Variants in ATP1A1 observed in about 807,000 individuals in gnomAD.
ATP1A1 encodes ATPase Na+/K+ transporting subunit alpha 1.
Under a neutral mutation model 114.8 loss-of-function variants are expected in ATP1A1, and 14 were observed. That is an observed-to-expected ratio of 0.12 (90% CI 0.08 to 0.19). The LOEUF (loss-of-function observed/expected upper bound fraction) is 0.19. ATP1A1 is among the 10% of genes least tolerant of loss of function. The probability of loss-of-function intolerance (pLI) is 1.00; values close to 1 mark genes in which losing one functional copy is unlikely to be tolerated. For synonymous variants in ATP1A1, 471 were observed against 466.3 expected (o/e 1.01, Z -0.13); for missense variants, 524 against 1,290.7 (o/e 0.41, Z 9.10).
chr1:116,382,126 T>C (rs1651785464), intron 1 of ATP1A1, among the ~76,000 whole-genome samples: 1 of 152,170 alleles, frequency 6.6e-6, no homozygotes. Context: ...TGAGCTTAGA[T>C]TGCGCCACTG....
At chr1:116,380,468 C>T (rs1557779762) in intron 1 of ATP1A1, among the ~76,000 whole-genome samples, 1 of 152,136 alleles carries the variant, frequency 6.6e-6, no homozygotes, top group South Asian at 2.1e-4. Flanking sequence ...AGGCCTTTGG[C>T]GGTGGCTATA....
In ATP1A1 at chr1:116,387,634, C is replaced by A; in HGVS notation, c.387+143C>A. 2 of 936,152 alleles carry A rather than the reference C, an allele frequency of 2.1e-6. No individual in the cohort carries two copies. The highest frequency in any genetic ancestry group is 3.1e-6 in the Non-Finnish European group (2 of 636,898). The allele number at this position is 936,152 out of a possible 1,614,324, so 58.0% of individuals were successfully genotyped here. On this transcript the variant is annotated intron_variant, in intron 4 of 22. Transcript: ENST00000295598. This position sits in a 1 kb window ranked among gnomAD's most constrained non-coding sequence, Gnocchi z 6.7. ...AATGGTTATGAACAGCTGTTGCCTT[C>A]AAGGCTCATCCATTCTTCCTTCGTT...
rs1375721170 is a variant in ATP1A1 at position 116,387,198 on chromosome 1, T to A, written c.184-90T>A. The A allele has an allele frequency of 6.9e-7, 1 of 1,449,342 alleles. No individual in the cohort carries two copies. The highest frequency in any genetic ancestry group is 9.5e-7 in the Non-Finnish European group (1 of 1,053,640). The allele number at this position is 1,449,342 out of a possible 1,614,324, so 89.8% of individuals were successfully genotyped here. A position where few individuals can be genotyped will look rare whatever the true frequency, so the allele number is the denominator to read the frequency against. On this transcript the variant is annotated intron_variant, in intron 3 of 22. Transcript: ENST00000295598. The surrounding 1 kb of genome is among the most constrained non-coding windows in gnomAD (Gnocchi z 6.7). The stretch of plus-strand genomic sequence containing the variant: ...TGGGACATTTTGTTTCTTCCTTAAA[T>A]CCTTATTGCAACCGTCCAGCTACCA...
Position 116,398,597 on chromosome 1 carries a change from C to A in ATP1A1, c.2125-24C>A. On this transcript the variant is annotated intron_variant, in intron 15 of 22. Coordinates refer to ENST00000295598, the MANE Select transcript of ATP1A1 (RefSeq NM_000701.8). This position sits in a 1 kb window ranked among gnomAD's most constrained non-coding sequence, Gnocchi z 6.1. ...CGCTAGGAAAAGTGATTGGTATTAA[C>A]CCGTTTTCCCTTTTCTGGGGTAGGG... is the stretch of plus-strand genomic sequence containing the variant. 1 of 1,609,814 alleles carries A rather than the reference C, an allele frequency of 6.2e-7. No homozygotes were observed. The highest frequency in any genetic ancestry group is 8.5e-7 in the Non-Finnish European group (1 of 1,177,476).
In ATP1A1 at chr1:116,398,985, C is replaced by T. The variant is rs985958983; in HGVS notation, c.2349C>T (p.Asn783=). The change falls in exon 17 of 23, where the codon AAC becomes AAT. Residue 783 remains asparagine, a synonymous_variant. Coordinates refer to ENST00000295598, the MANE Select transcript of ATP1A1 (RefSeq NM_000701.8). The surrounding 1 kb of genome is among the most constrained non-coding windows in gnomAD (Gnocchi z 6.1). The stretch of plus-strand genomic sequence containing the variant: ...CCATTGCTTATACCTTAACCAGTAA[C>T]ATTCCCGAGATCACCCCGTTCCTGA... ...KKSIAYTLTS[N]IPEITPFLIF... The T allele has an allele frequency of 2.5e-6, 4 of 1,614,048 alleles. No individual in the cohort carries two copies. Among genetic ancestry groups the T allele is most frequent in the African/African-American group, 1.3e-5 (1 of 74,884 alleles).
intron 1 of ATP1A1, among the ~76,000 whole-genome samples, chr1:116,379,060 T>C (rs1398129213): frequency 1.3e-5 from 2 of 152,236 alleles, no homozygotes; most frequent in Non-Finnish European, 2.9e-5. Flanking sequence ...TTAGAATTTT[T>C]ATTTTTTGAA....
In ATP1A1 at chr1:116,399,391, C is replaced by G. The variant is rs1237756036; in HGVS notation, c.2449-29C>G. 6.2e-7 allele frequency: 1 copy of G among 1,604,556 alleles called. No homozygotes were observed. Among genetic ancestry groups the G allele is most frequent in the Admixed American group, 1.7e-5 (1 of 57,432 alleles). On this transcript the variant is annotated intron_variant, in intron 17 of 22. Transcript: ENST00000295598. This position sits in a 1 kb window ranked among gnomAD's most constrained non-coding sequence, Gnocchi z 5.0. ...ATATTAGCTTCCTTATTTTTAGTAA[C>G]TAAATTCCTTCTCCCCACCCCTTCC...
intron 13 of ATP1A1, 125 bp from the exon 14 acceptor site, chr1:116,396,473 G>T: frequency 1.6e-6 from 2 of 1,215,592 alleles, no homozygotes; most frequent in Non-Finnish European, 1.1e-6. Context: ...TTTTATATTT[G>T]CATTCCTTTC....
At position 116,397,267 on chromosome 1, in the gene ATP1A1, C is replaced by G. The variant is rs546774454; in HGVS notation, c.1973+533C>G. Among the ~76,000 whole-genome samples, 33 of 152,280 alleles carry G rather than the reference C, an allele frequency of 2.2e-4. No individual in the cohort carries two copies. Among genetic ancestry groups the G allele is most frequent in the African/African-American group, 6.3e-4 (26 of 41,554 alleles). ...TTTAGGGCCCTTTCACCCTATGTTA[C>G]GGTTAGAGGAGGGTTTGGTCTTGTA... On this transcript the variant is annotated intron_variant, in intron 14 of 22. Coordinates refer to ENST00000295598, the MANE Select transcript of ATP1A1 (RefSeq NM_000701.8). The surrounding 1 kb of genome is among the most constrained non-coding windows in gnomAD (Gnocchi z 4.2).
At chr1:116,400,579 A>G (rs1369439864) in intron 18 of ATP1A1, among the ~76,000 whole-genome samples, 1 of 152,224 alleles carries the variant, frequency 6.6e-6, no homozygotes, top group East Asian at 1.9e-4. Context: ...TGGTCAAGTA[A>G]CAGGTGGGCA....
intron 1 of ATP1A1, among the ~76,000 whole-genome samples, chr1:116,378,909 A>G (rs1359714128): frequency 6.6e-6 from 1 of 152,242 alleles, no homozygotes; most frequent in East Asian, 1.9e-4. Flanking sequence ...AGGAATAAGT[A>G]GAAAGTTTTA....
In ATP1A1 at chr1:116,401,390, T is replaced by G; in HGVS notation, c.2849+130T>G. ...TGGAATCTCTAGTTTATAGAGCAAATTTAGGAAGCAAGAAATGTAGCTTTC... is the reference window on the plus strand; with the variant it reads ...TGGAATCTCTAGTTTATAGAGCAAAGTTAGGAAGCAAGAAATGTAGCTTTC... On this transcript the variant is annotated intron_variant, in intron 20 of 22. Coordinates refer to ENST00000295598, the MANE Select transcript of ATP1A1 (RefSeq NM_000701.8). This position sits in a 1 kb window ranked among gnomAD's most constrained non-coding sequence, Gnocchi z 4.7. The G allele has an allele frequency of 1.3e-6, 2 of 1,506,752 alleles. No individual in the cohort carries two copies. The highest frequency in any genetic ancestry group is 2.5e-5 in the South Asian group (2 of 78,666). 93.3% of individuals were successfully genotyped at this position (1,506,752 alleles called of 1,614,324 possible).
Position 116,389,036 on chromosome 1 carries a change from C to A in ATP1A1, c.754+17C>A. On this transcript the variant is annotated intron_variant, in intron 7 of 22. Transcript: ENST00000295598. This position sits in a 1 kb window ranked among gnomAD's most constrained non-coding sequence, Gnocchi z 6.9. The stretch of plus-strand genomic sequence containing the variant: ...GTGTTGAAGGTAGGCCATTTTTGGG[C>A]ACTTTGAGCATGGCGTGGTATTTCT... 6.3e-7 allele frequency: 1 copy of A among 1,595,374 alleles called. No individual in the cohort carries two copies. The highest frequency in any genetic ancestry group is 8.6e-7 in the Non-Finnish European group (1 of 1,163,426).
chr1:116,375,701 G>T (rs957613224), intron 1 of ATP1A1, among the ~76,000 whole-genome samples: 2 of 152,166 alleles, frequency 1.3e-5, no homozygotes, highest in Non-Finnish European at 2.9e-5. Context: ...TATTGTGAGC[G>T]TCCAAATGTT....
chr1:116,383,131 C>A (rs991163911), intron 1 of ATP1A1, among the ~76,000 whole-genome samples: 1 of 152,138 alleles, frequency 6.6e-6, no homozygotes, highest in East Asian at 1.9e-4. Flanking sequence ...TTTCAAGAGG[C>A]GTAGGTGGAT....
chr1:116,388,435 A>G lies in ATP1A1; in HGVS notation c.501+191A>G. The G allele has an allele frequency of 1.0e-6, 1 of 980,908 alleles. No individual in the cohort carries two copies. The highest frequency in any genetic ancestry group is 1.5e-6 in the Non-Finnish European group (1 of 677,024). The allele number at this position is 980,908 out of a possible 1,614,324, so 60.8% of individuals were successfully genotyped here. ...GTGGTAGCCTTTCTTTTGAATGTAA[A>G]CTCTGAATACAGGCACACCATGTAA... is the stretch of plus-strand genomic sequence containing the variant. On this transcript the variant is annotated intron_variant, in intron 5 of 22. Transcript: ENST00000295598. The surrounding 1 kb of genome is among the most constrained non-coding windows in gnomAD (Gnocchi z 5.6).
At chr1:116,376,897 C>T (rs10924073) in intron 1 of ATP1A1, among the ~76,000 whole-genome samples, 29,381 of 152,190 alleles carry the variant, frequency 0.19, 7,807 homozygotes, top group African/African-American at 0.6. Context: ...AAATTGCATT[C>T]AAAAATAAAA....
At chr1:116,376,847 T>A (rs2101029776) in intron 1 of ATP1A1, among the ~76,000 whole-genome samples, 1 of 152,318 alleles carries the variant, frequency 6.6e-6, no homozygotes. Flanking sequence ...AGATGAGGGC[T>A]AACACTTAAA....
intron 1 of ATP1A1, among the ~76,000 whole-genome samples, chr1:116,374,506 AG>A (rs1300033598): frequency 1.3e-5 from 2 of 152,080 alleles, no homozygotes; most frequent in East Asian, 3.9e-4. Flanking sequence ...GAAGGAAACG[AG>A]GGGTCTTGGG....
Sources: allele counts gnomAD v4.1 joint callset (sites outside exome capture counted in the v4.1 genomes callset), GRCh38; gene constraint gnomAD v4.1.1; non-coding constraint Gnocchi (gnomAD v3.1); transcripts MANE v1.5; gene names NCBI Gene and HGNC (gene_info 2026-07-23, HGNC 2026-07-21).